UNC5C: variants seen among roughly 807,000 people sequenced by gnomAD.
UNC5C encodes the protein unc-5 netrin receptor C.
Under a neutral mutation model 99.8 loss-of-function variants are expected in UNC5C, and 47 were observed. That is an observed-to-expected ratio of 0.47 (90% CI 0.37 to 0.60). The LOEUF (loss-of-function observed/expected upper bound fraction) is 0.60. Among genes scored for constraint, UNC5C ranks in the 20% least tolerant of loss-of-function variants. The pLI is 0.00. For missense variants in UNC5C, 1,062 were observed against 1,165.9 expected, an observed-to-expected ratio of 0.91 and a Z score of 1.30; for synonymous variants, 487 against 452.2, an observed-to-expected ratio of 1.08 and a Z score of -0.98.
rs183995342 is a variant in UNC5C at position 95,526,891 on chromosome 4, T to G, written c.124+21843A>C. Among the ~76,000 whole-genome samples the G allele has an allele frequency of 5.9e-3, 901 of 152,176 alleles. 7 individuals carry two copies. Among genetic ancestry groups the G allele is most frequent in the African/African-American group, 0.021 (862 of 41,566 alleles). The stretch of plus-strand genomic sequence containing the variant: ...AACACAAAAGAATAATTATTTCTAC[T>G]AAGTCCTTAATAAATAAAATTAGCT... On this transcript the variant is annotated intron_variant, in intron 1 of 15. Transcript: ENST00000453304.
chr4:95,251,078 C>G (rs1223078541), intron 4 of UNC5C, among the ~76,000 whole-genome samples: 1 of 152,160 alleles, frequency 6.6e-6, no homozygotes, highest in Non-Finnish European at 1.5e-5. Context: ...GATTTGTTTA[C>G]TCTTGGCAAC....
intron 12 of UNC5C, among the ~76,000 whole-genome samples, chr4:95,201,500 C>T (rs185512373): frequency 1.5e-3 from 227 of 152,284 alleles, no homozygotes; most frequent in Non-Finnish European, 2.8e-3. Flanking sequence ...TCTCCATTAA[C>T]TCAAGAACTG....
chr4:95,511,270 G>A (rs1722063537), intron 1 of UNC5C, among the ~76,000 whole-genome samples: 1 of 147,044 alleles, frequency 6.8e-6, no homozygotes, highest in South Asian at 2.2e-4. Flanking sequence ...AATTGTATTT[G>A]TCGGGGGGTT....
intron 7 of UNC5C, among the ~76,000 whole-genome samples, chr4:95,239,408 G>T (rs1023107595): frequency 6.6e-6 from 1 of 152,060 alleles, no homozygotes; most frequent in Admixed American, 6.5e-5. Flanking sequence ...CTTGTGGGTA[G>T]GTCAGGCATT....
intron 1 of UNC5C, among the ~76,000 whole-genome samples, chr4:95,452,318 G>A (rs1291657468): frequency 6.6e-6 from 1 of 151,844 alleles, no homozygotes; most frequent in African/African-American, 2.4e-5. Flanking sequence ...CCAATCCTTT[G>A]CTTGAACACA....
intron 3 of UNC5C, among the ~76,000 whole-genome samples, chr4:95,297,807 G>A (rs971155905): frequency 1.3e-5 from 2 of 152,064 alleles, no homozygotes; most frequent in Non-Finnish European, 2.9e-5. Context: ...CTGAAATCCT[G>A]GCCTCACCAC....
chr4:95,282,787 T>G (rs903618587), intron 3 of UNC5C, among the ~76,000 whole-genome samples: 13 of 152,194 alleles, frequency 8.5e-5, no homozygotes, highest in Admixed American at 6.5e-4. Flanking sequence ...TTATGACCTA[T>G]GATCACACAA....
At chr4:95,268,012 C>A (rs557476018) in intron 4 of UNC5C, among the ~76,000 whole-genome samples, 2 of 139,460 alleles carry the variant, frequency 1.4e-5, no homozygotes, top group South Asian at 4.4e-4. Flanking sequence ...TGCAGTGGCG[C>A]GATCTCGGCT....
At chr4:95,461,043 C>T (rs1747584802) in intron 1 of UNC5C, among the ~76,000 whole-genome samples, 1 of 152,292 alleles carries the variant, frequency 6.6e-6, no homozygotes, top group East Asian at 1.9e-4. Flanking sequence ...TTAAATTCTA[C>T]AAACATTTTA....
At chr4:95,471,765 C>T (rs928031827) in intron 1 of UNC5C, among the ~76,000 whole-genome samples, 4 of 151,846 alleles carry the variant, frequency 2.6e-5, no homozygotes, top group Non-Finnish European at 5.9e-5. Flanking sequence ...CTTAACAGCA[C>T]GTGATGTAAG....
At chr4:95,358,846 G>A (rs1744295067) in intron 1 of UNC5C, among the ~76,000 whole-genome samples, 1 of 152,146 alleles carries the variant, frequency 6.6e-6, no homozygotes, top group Non-Finnish European at 1.5e-5. Context: ...AATCTTGCAA[G>A]ACCTAAATCT....
intron 4 of UNC5C, among the ~76,000 whole-genome samples, chr4:95,253,817 C>T (rs1041244110): frequency 2.0e-5 from 3 of 152,110 alleles, no homozygotes; most frequent in Admixed American, 2.0e-4. Flanking sequence ...GACTGCAGGC[C>T]GCCCCTCACC....
intron 1 of UNC5C, among the ~76,000 whole-genome samples, chr4:95,463,667 T>TTCAG (rs1412101151): frequency 6.6e-6 from 1 of 152,322 alleles, no homozygotes; most frequent in East Asian, 1.9e-4. Context: ...ATTTTCAGAT[T>TTCAG]ATTGTAAATG....
At chr4:95,486,811 T>C (rs2626047) in intron 1 of UNC5C, among the ~76,000 whole-genome samples, 9,071 of 151,694 alleles carry the variant, frequency 0.06, 423 homozygotes, top group Admixed American at 0.12. Context: ...TGAAAATTGA[T>C]ATACTGCTAC....
intron 1 of UNC5C, among the ~76,000 whole-genome samples, chr4:95,481,940 T>C (rs1222644056): frequency 1.3e-5 from 2 of 152,036 alleles, no homozygotes; most frequent in Non-Finnish European, 2.9e-5. Flanking sequence ...ATTCAGGACA[T>C]AGGCATGGGC....
intron 1 of UNC5C, among the ~76,000 whole-genome samples, chr4:95,440,295 A>G (rs1746911602): frequency 6.6e-6 from 1 of 152,202 alleles, no homozygotes; most frequent in Non-Finnish European, 1.5e-5. Flanking sequence ...ATGTGCTAGT[A>G]TTAGAGAAGG....
rs570231346 is a variant in UNC5C at position 95,340,020 on chromosome 4, G to T, written c.125-4389C>A. 1.7e-4 allele frequency among the ~76,000 whole-genome samples: 26 copies of T among 152,082 alleles called. No homozygotes were observed. In the South Asian group the frequency reaches 5.4e-3, roughly 32 times the overall value. ...TTTATCTTGATATCAATAAATCTCAGTATTTCCTTTTTTCTGTTATCTCAC... is the reference window on the plus strand; with the variant it reads ...TTTATCTTGATATCAATAAATCTCATTATTTCCTTTTTTCTGTTATCTCAC... On this transcript the variant is annotated intron_variant, in intron 1 of 15. Transcript: ENST00000453304.
At chr4:95,517,501 TAAAC>T (rs1412362925) in intron 1 of UNC5C, among the ~76,000 whole-genome samples, 3 of 151,938 alleles carry the variant, frequency 2.0e-5, no homozygotes, top group African/African-American at 7.2e-5. Flanking sequence ...TGCAGAAACT[TAAAC>T]AAAAAAGGAT....
At chr4:95,479,602 C>T (rs1166689624) in intron 1 of UNC5C, among the ~76,000 whole-genome samples, 2 of 151,716 alleles carry the variant, frequency 1.3e-5, no homozygotes, top group African/African-American at 2.4e-5. Flanking sequence ...CCAAAAATGG[C>T]GAATGAACCA....
Sources: allele counts gnomAD v4.1 joint callset (sites outside exome capture counted in the v4.1 genomes callset), GRCh38; gene constraint gnomAD v4.1.1; transcripts MANE v1.5; gene names NCBI Gene and HGNC (gene_info 2026-07-23, HGNC 2026-07-21).